Variants in GMNC observed in about 807,000 individuals in gnomAD.
GMNC encodes geminin coiled-coil domain containing.
Under a neutral mutation model 33.6 loss-of-function variants are expected in GMNC, and 16 were observed. That is an observed-to-expected ratio of 0.48 (90% CI 0.32 to 0.72). The LOEUF (loss-of-function observed/expected upper bound fraction) is 0.72. Among genes scored for constraint, GMNC ranks in the 30% least tolerant of loss-of-function variants. The pLI is 0.03. For synonymous variants in GMNC, 156 were observed against 147.3 expected, an observed-to-expected ratio of 1.06 and a Z score of -0.43; for missense variants, 393 against 388.9, an observed-to-expected ratio of 1.01 and a Z score of -0.09.
Position 190,862,149 on chromosome 3 carries a change from A to G in GMNC, c.3+464T>C, listed in dbSNP as rs1737884093. On this transcript the variant is annotated intron_variant, in intron 1 of 4. Coordinates refer to ENST00000442080, the MANE Select transcript of GMNC (RefSeq NM_001146686.3). The surrounding 1 kb of genome is among the most constrained non-coding windows in gnomAD (Gnocchi z 4.5). Reference sequence around the variant, plus strand: ...AGCATGTTTGCAGACTCTTTCCCTGAGGTTTTTTATTTTTTATTTTATTTT... The same window carrying G: ...AGCATGTTTGCAGACTCTTTCCCTGGGGTTTTTTATTTTTTATTTTATTTT... 6.6e-6 allele frequency among the ~76,000 whole-genome samples: 1 copy of G among 152,226 alleles called. No individual in the cohort carries two copies. The highest frequency in any genetic ancestry group is 2.1e-4 in the South Asian group (1 of 4,822).
intron 4 of GMNC, among the ~76,000 whole-genome samples, chr3:190,857,417 C>T (rs898062215): frequency 6.6e-6 from 1 of 151,922 alleles, no homozygotes; most frequent in African/African-American, 2.4e-5. Flanking sequence ...GAATGATTTG[C>T]CTAAAGTCAA....
Position 190,859,012 on chromosome 3 carries a change from T to C in GMNC, c.183A>G (p.Ser61=). The C allele has an allele frequency of 6.5e-7, 1 of 1,536,568 alleles. No homozygotes were observed. Among genetic ancestry groups the C allele is most frequent in the Non-Finnish European group, 8.8e-7 (1 of 1,133,644 alleles). Residue 61 remains serine, a synonymous_variant, in exon 3 of 5, where the codon TCA becomes TCG. Coordinates refer to ENST00000442080, the MANE Select transcript of GMNC (RefSeq NM_001146686.3). ...GAAGAGGAAAATTTGAGTCACTGAA[T>C]GATTCTGTGAAAATACAAATAGATA... ...ELQQAPQAQE[S]FSDSNFPLPD... is the part of the protein sequence containing the mutation.
At chr3:190,856,692 C>A (rs1331242790) in intron 4 of GMNC, among the ~76,000 whole-genome samples, 1 of 151,260 alleles carries the variant, frequency 6.6e-6, no homozygotes, top group Non-Finnish European at 1.5e-5. Flanking sequence ...CCTAAGCCAC[C>A]CAAATCTACA....
chr3:190,853,542 A>C lies in GMNC; in HGVS notation c.*1753T>G, dbSNP rs149180083. 2.6e-4 allele frequency: 39 copies of C among 152,252 alleles called. No homozygotes were observed. Among genetic ancestry groups the C allele is most frequent in the African/African-American group, 9.1e-4 (38 of 41,556 alleles). 9.4% of individuals were successfully genotyped at this position (152,252 alleles called of 1,614,324 possible). A position where few individuals can be genotyped will look rare whatever the true frequency, so the allele number is the denominator to read the frequency against. On this transcript the variant is annotated 3_prime_UTR_variant, in exon 5 of 5. Coordinates refer to ENST00000442080, the MANE Select transcript of GMNC (RefSeq NM_001146686.3). ...ACTTTATAAAACAGACCCTTTGCTT[A>C]CATCACCAAAATAAAGCAACAACCA...
Position 190,862,645 on chromosome 3 carries a change from T to G in GMNC, c.-30A>C. ...CAGTGGAAGAAAGCGCTGCAGAAAC[T>G]GAGCCCACTCAATTTTTCAGTAAAA... is the stretch of plus-strand genomic sequence containing the variant. On this transcript the variant is annotated 5_prime_UTR_variant, in exon 1 of 5. Coordinates refer to ENST00000442080, the MANE Select transcript of GMNC (RefSeq NM_001146686.3). This position sits in a 1 kb window ranked among gnomAD's most constrained non-coding sequence, Gnocchi z 4.5. 2 of 1,552,226 alleles carry G rather than the reference T, an allele frequency of 1.3e-6. No homozygotes were observed. The highest frequency in any genetic ancestry group is 8.7e-7 in the Non-Finnish European group (1 of 1,147,096).
chr3:190,855,986 A>G lies in GMNC; in HGVS notation c.385-71T>C, dbSNP rs552294303. ...TAGTTAACTAAATTATTTCGGAAAA[A>G]ATGCTTAAATTTCTCTTCACACAAG... On this transcript the variant is annotated intron_variant, in intron 4 of 4. Transcript: ENST00000442080. The G allele has an allele frequency of 2.5e-6, 3 of 1,177,018 alleles. No individual in the cohort carries two copies. The South Asian group carries it at 5.0e-5, about 20-fold the overall frequency. The allele number at this position is 1,177,018 out of a possible 1,614,324, so 72.9% of individuals were successfully genotyped here.
the GMNC span, among the ~76,000 whole-genome samples, chr3:190,844,064 G>A: frequency 2.0e-5 from 3 of 152,160 alleles, no homozygotes; most frequent in East Asian, 1.9e-4. Flanking sequence ...GAAATAAAAC[G>A]TCTTGAGTAT....
At position 190,855,626 on chromosome 3, in the gene GMNC, T is replaced by A. The variant is rs1212260167; in HGVS notation, c.674A>T (p.Gln225Leu). ...ATAATCAACTGCATCATCCGGAAAC[T>A]GGGAAAATGTGCTGGCGACTCTTCT... is the stretch of plus-strand genomic sequence containing the variant. ...HPRRVASTFS[Q>L]FPDDAVDYKN... The change falls in exon 5 of 5, where the codon CAG (glutamine) becomes CTG (leucine). Residue 225 changes from glutamine (Q) to leucine (L), a missense_variant. Gln to Leu is a moderately radical substitution (Grantham distance 113). Coordinates refer to ENST00000442080, the MANE Select transcript of GMNC (RefSeq NM_001146686.3). The A allele has an allele frequency of 1.9e-6, 3 of 1,551,430 alleles. No homozygotes were observed. The highest frequency in any genetic ancestry group is 2.7e-5 in the African/African-American group (2 of 73,004).
the GMNC span, among the ~76,000 whole-genome samples, chr3:190,847,128 G>A: frequency 6.6e-6 from 1 of 152,146 alleles, no homozygotes; most frequent in Non-Finnish European, 1.5e-5. Flanking sequence ...AACATGACTA[G>A]CTATTGGTGT....
In GMNC at chr3:190,853,037, T is replaced by C. The variant is rs1737661084; in HGVS notation, c.*2258A>G. On this transcript the variant is annotated 3_prime_UTR_variant, in exon 5 of 5. Transcript: ENST00000442080. ...GAAGCCAGGAAACCATCACATTTTA[T>C]CCCAAATGTTCGGTAATATCTTTAA... The C allele has an allele frequency of 6.6e-6, 1 of 152,126 alleles. No homozygotes were observed. The highest frequency in any genetic ancestry group is 1.5e-5 in the Non-Finnish European group (1 of 67,986). The allele number at this position is 152,126 out of a possible 1,614,324, so 9.4% of individuals were successfully genotyped here.
intron 4 of GMNC, among the ~76,000 whole-genome samples, chr3:190,857,291 G>A (rs4687177): frequency 0.27 from 40,412 of 151,336 alleles, 5,700 homozygotes; most frequent in South Asian, 0.44. Context: ...ATTTGTAAAT[G>A]CCAAATCAAG....
In GMNC at chr3:190,860,840, G is replaced by C. The variant is rs1467403078; in HGVS notation, c.22C>G (p.Gln8Glu). 1 of 1,550,274 alleles carries C rather than the reference G, an allele frequency of 6.5e-7. No homozygotes were observed. The highest frequency in any genetic ancestry group is 2.0e-5 in the Admixed American group (1 of 50,970). Residue 8 changes from glutamine (Q) to glutamate (E), a missense_variant, in exon 2 of 5, where the codon CAA becomes GAA. By Grantham distance (29) the Gln-to-Glu change is conservative. Transcript: ENST00000442080. The part of the protein sequence containing the change: MNTILPC[Q>E]DQYFVGGQSY... ...TGGCCTCCTACAAAGTACTGGTCTT[G>C]GCAAGGCAGAATGGTGTTCTGTGAA...
chr3:190,845,667 G>A, the GMNC span, among the ~76,000 whole-genome samples: 3 of 151,500 alleles, frequency 2.0e-5, no homozygotes, highest in East Asian at 3.9e-4. Context: ...ATGCCACCAC[G>A]CCTGGCTAAT....
downstream of GMNC, among the ~76,000 whole-genome samples, chr3:190,847,951 G>A (rs754087417): frequency 2.6e-5 from 4 of 152,158 alleles, no homozygotes; most frequent in Non-Finnish European, 5.9e-5. Flanking sequence ...AAAACTGGTG[G>A]ATATGCATCA....
At chr3:190,852,438 C>A (rs903837425), downstream of GMNC, among the ~76,000 whole-genome samples, 2 of 151,998 alleles carry the variant, frequency 1.3e-5, no homozygotes, top group African/African-American at 2.4e-5. Flanking sequence ...TAGCAACAAC[C>A]TTTTTTTCCA....
downstream of GMNC, among the ~76,000 whole-genome samples, chr3:190,850,015 T>C (rs1577907872): frequency 6.6e-6 from 1 of 152,342 alleles, no homozygotes; most frequent in East Asian, 1.9e-4. Flanking sequence ...TATTTCCCTT[T>C]ATTTGAATTT....
chr3:190,845,789 G>A, the GMNC span, among the ~76,000 whole-genome samples: 1 of 152,020 alleles, frequency 6.6e-6, no homozygotes, highest in Non-Finnish European at 1.5e-5. Context: ...TTACAGACGT[G>A]AGCCACCGCG....
intron 3 of GMNC, 42 bp from the exon 4 acceptor site, chr3:190,857,941 G>T: frequency 2.9e-6 from 3 of 1,050,258 alleles, no homozygotes; most frequent in South Asian, 2.7e-5. Context: ...CCACTATATT[G>T]ACTTTGTAAC....
At position 190,861,430 on chromosome 3, in the gene GMNC, T is replaced by C. The variant is rs1411075985; in HGVS notation, c.4-572A>G. Reference sequence around the variant, plus strand: ...TGCTGGCTCATAGTCCATCAATCTATCTGTCTGTCTGTCTGTCTGCCTATC... The same window carrying C: ...TGCTGGCTCATAGTCCATCAATCTACCTGTCTGTCTGTCTGTCTGCCTATC... On this transcript the variant is annotated intron_variant, in intron 1 of 4. Transcript: ENST00000442080. The surrounding 1 kb of genome is among the most constrained non-coding windows in gnomAD (Gnocchi z 5.1). Among the ~76,000 whole-genome samples, 1 of 146,926 alleles carries C rather than the reference T, an allele frequency of 6.8e-6. No homozygotes were observed. The highest frequency in any genetic ancestry group is 1.5e-5 in the Non-Finnish European group (1 of 66,948).
Sources: allele counts gnomAD v4.1 joint callset (sites outside exome capture counted in the v4.1 genomes callset), GRCh38; gene constraint gnomAD v4.1.1; non-coding constraint Gnocchi (gnomAD v3.1); transcripts MANE v1.5; gene names NCBI Gene and HGNC (gene_info 2026-07-23, HGNC 2026-07-21).